ASXL3: variants seen among roughly 807,000 people sequenced by gnomAD.
The protein encoded by ASXL3 is ASXL transcriptional regulator 3.
In ASXL3, 34 loss-of-function variants were observed where a neutral mutation model predicts 170.6. The observed-to-expected ratio is 0.20, with a 90% CI of 0.15 to 0.27. The LOEUF (loss-of-function observed/expected upper bound fraction) is 0.27. Among genes scored for constraint, ASXL3 ranks in the 10% least tolerant of loss-of-function variants. The pLI is 1.00. For missense variants in ASXL3, 2,592 were observed against 2,695.3 expected, an observed-to-expected ratio of 0.96 and a Z score of 0.85; for synonymous variants, 1,002 against 989.1, an observed-to-expected ratio of 1.01 and a Z score of -0.24.
intron 5 of ASXL3, among the ~76,000 whole-genome samples, chr18:33,667,566 T>C (rs2066278291): frequency 6.6e-6 from 1 of 152,172 alleles, no homozygotes; most frequent in Admixed American, 6.5e-5. Context: ...TCCCTGCTAG[T>C]GGATGTGATA....
rs774846500 is a variant in ASXL3 at position 33,738,594 on chromosome 18, A to G, written c.1190A>G (p.Gln397Arg). 1 of 1,613,934 alleles carries G rather than the reference A, an allele frequency of 6.2e-7. No individual in the cohort carries two copies. The highest frequency in any genetic ancestry group is 8.5e-7 in the Non-Finnish European group (1 of 1,179,854). ...ACTTCTGGCCTTCCAGTTTCTGCAC[A>G]GACAGCCTTGGCAGAACAACAGCCA... ...CGTSGLPVSA[Q>R]TALAEQQPKS... is the part of the protein sequence containing the mutation. The change falls in exon 11 of 12, where the codon CAG becomes CGG. Residue 397 changes from glutamine (Q) to arginine (R), a missense_variant. Gln to Arg is a conservative substitution (Grantham distance 43). Coordinates refer to ENST00000269197, the MANE Select transcript of ASXL3 (RefSeq NM_030632.3).
chr18:33,683,684 T>C, intron 8 of ASXL3, 116 bp downstream of exon 8: 1 of 1,069,614 alleles, frequency 9.3e-7, no homozygotes, highest in African/African-American at 1.6e-5. Flanking sequence ...AATTTATGCA[T>C]TTCTATTTAT....
At chr18:33,698,344 C>T (rs2066810399) in intron 8 of ASXL3, among the ~76,000 whole-genome samples, 1 of 152,104 alleles carries the variant, frequency 6.6e-6, no homozygotes, top group African/African-American at 2.4e-5. Context: ...TGACAAAATA[C>T]ATTTCTGTTC....
chr18:33,709,071 C>A (rs902349840), intron 8 of ASXL3, among the ~76,000 whole-genome samples: 2 of 151,838 alleles, frequency 1.3e-5, no homozygotes, highest in African/African-American at 2.4e-5. Context: ...TAAATGAAAC[C>A]ACAGTGTAAT....
chr18:33,643,777 A>G (rs947897308), intron 2 of ASXL3, among the ~76,000 whole-genome samples: 1 of 151,780 alleles, frequency 6.6e-6, no homozygotes, highest in Admixed American at 6.6e-5. Context: ...TGAAGTTAGA[A>G]TTCTGAACTT....
intron 8 of ASXL3, among the ~76,000 whole-genome samples, chr18:33,706,010 G>A (rs1362637325): frequency 6.6e-6 from 1 of 151,092 alleles, no homozygotes; most frequent in Non-Finnish European, 1.5e-5. Context: ...TATGTACTCT[G>A]TTGTATTTAG....
rs576285162 is a variant in ASXL3, at chr18:33,644,948, A to T, written c.192A>T (p.Ile64=). ...CAATGCTTCACACTAACACTCGAAT[A>T]GGGGATGGAACATTCTTCAAAATCC... The part of the protein sequence containing the change: ...LNAMLHTNTR[I]GDGTFFKIPG... The change falls in exon 3 of 12, where the codon ATA becomes ATT. Residue 64 remains isoleucine, a synonymous_variant. Transcript: ENST00000269197. The T allele has an allele frequency of 3.8e-6, 6 of 1,583,876 alleles. No individual in the cohort carries two copies. In the South Asian group the frequency reaches 5.8e-5, roughly 15 times the overall value.
In ASXL3 at chr18:33,744,892, G is replaced by A. The variant is rs1474781822; in HGVS notation, c.5044G>A (p.Asp1682Asn). Residue 1682 changes from aspartate (D) to asparagine (N), a missense_variant, in exon 12 of 12, where the codon GAC (aspartate) becomes AAC (asparagine). Transcript: ENST00000269197. ...CGAAGCAGACAAGGGCTTTAGAATGGACACTGAAGACTTCCCTGGCCCTGA... is the reference window on the plus strand; with the variant it reads ...CGAAGCAGACAAGGGCTTTAGAATGAACACTGAAGACTTCCCTGGCCCTGA... ...LHEADKGFRM[D>N]TEDFPGPELP... 1.9e-6 allele frequency: 3 copies of A among 1,613,930 alleles called. No homozygotes were observed. The highest frequency in any genetic ancestry group is 2.7e-5 in the African/African-American group (2 of 74,942).
At chr18:33,594,301 A>G (rs1013392482) in intron 1 of ASXL3, among the ~76,000 whole-genome samples, 1 of 152,146 alleles carries the variant, frequency 6.6e-6, no homozygotes, top group African/African-American at 2.4e-5. Flanking sequence ...TTCTTTTTTC[A>G]AAGGGATGGG....
chr18:33,722,110 C>T (rs1163193042), intron 8 of ASXL3, among the ~76,000 whole-genome samples: 1 of 152,024 alleles, frequency 6.6e-6, no homozygotes, highest in Non-Finnish European at 1.5e-5. Context: ...CAGCTGTCTC[C>T]CATTTCTCTC....
Position 33,644,465 on chromosome 18 carries a change from G to C in ASXL3, c.138-429G>C, listed in dbSNP as rs72960059. ...ATGGGATGGAGCTGCTCTTGAACTT[G>C]GTGGGTTTTTTTGTTTTTTTTTTTT... On this transcript the variant is annotated intron_variant, in intron 2 of 11. Transcript: ENST00000269197. 2.5e-3 allele frequency among the ~76,000 whole-genome samples: 381 copies of C among 150,682 alleles called. 4 individuals are homozygous for C. Among genetic ancestry groups the C allele is most frequent in the Non-Finnish European group, 4.5e-3 (304 of 67,620 alleles).
intron 1 of ASXL3, among the ~76,000 whole-genome samples, chr18:33,597,452 C>T (rs1406518833): frequency 6.6e-6 from 1 of 152,046 alleles, no homozygotes; most frequent in African/African-American, 2.4e-5. Flanking sequence ...ATTTATTTAA[C>T]CATCTCCCTC....
intron 8 of ASXL3, among the ~76,000 whole-genome samples, chr18:33,721,142 T>C (rs1474081140): frequency 6.6e-6 from 1 of 152,050 alleles, no homozygotes; most frequent in Non-Finnish European, 1.5e-5. Flanking sequence ...CTTTCGTTAA[T>C]TGGAGCCTAA....
intron 2 of ASXL3, among the ~76,000 whole-genome samples, chr18:33,637,700 T>A (rs1431108981): frequency 6.6e-6 from 1 of 152,124 alleles, no homozygotes; most frequent in Non-Finnish European, 1.5e-5. Context: ...GGTGGAGAAA[T>A]AGGCTAAAAG....
At chr18:33,676,539 A>G (rs1450570881) in intron 7 of ASXL3, among the ~76,000 whole-genome samples, 2 of 152,144 alleles carry the variant, frequency 1.3e-5, no homozygotes, top group African/African-American at 2.4e-5. Flanking sequence ...TCCCTTTCCT[A>G]TTTCTTAATC....
intron 9 of ASXL3, 67 bp downstream of exon 9, chr18:33,732,131 T>G: frequency 7.9e-7 from 1 of 1,269,076 alleles, no homozygotes; most frequent in East Asian, 2.4e-5. Context: ...GCTTGTACCT[T>G]TCTCTGATTT....
At chr18:33,637,963 A>T (rs140455273) in intron 2 of ASXL3, among the ~76,000 whole-genome samples, 1 of 152,240 alleles carries the variant, frequency 6.6e-6, no homozygotes, top group African/African-American at 2.4e-5. Flanking sequence ...ACACTGTTGG[A>T]GTACAAATTT....
rs569391897 is a variant in ASXL3 at position 33,649,819 on chromosome 18, T to G, written c.355+3466T>G. Among the ~76,000 whole-genome samples the G allele has an allele frequency of 7.2e-5, 11 of 152,174 alleles. 1 individual carries two copies. The highest frequency in any genetic ancestry group is 1.6e-4 in the Non-Finnish European group (11 of 67,992). ...ATCTGGTGTTCTGAAGGAAATGAGTTGGAAGTGTAAGTGATATGAGAGTGG... is the reference window on the plus strand; with the variant it reads ...ATCTGGTGTTCTGAAGGAAATGAGTGGGAAGTGTAAGTGATATGAGAGTGG... On this transcript the variant is annotated intron_variant, in intron 4 of 11. Coordinates refer to ENST00000269197, the MANE Select transcript of ASXL3 (RefSeq NM_030632.3).
intron 2 of ASXL3, among the ~76,000 whole-genome samples, chr18:33,628,121 T>G (rs1194770343): frequency 6.6e-6 from 1 of 152,260 alleles, no homozygotes; most frequent in East Asian, 1.9e-4. Flanking sequence ...TTTAGCTGAT[T>G]TATTCCTGAT....
Sources: allele counts gnomAD v4.1 joint callset (sites outside exome capture counted in the v4.1 genomes callset), GRCh38; gene constraint gnomAD v4.1.1; transcripts MANE v1.5; gene names NCBI Gene and HGNC (gene_info 2026-07-23, HGNC 2026-07-21).